Variants in THSD4 observed in about 807,000 individuals in gnomAD.
THSD4 encodes the protein thrombospondin type 1 domain containing 4.
A neutral mutation model predicts 119.0 loss-of-function variants in THSD4; 69 were observed. That is an observed-to-expected ratio of 0.58 (90% CI 0.48 to 0.71). The LOEUF (loss-of-function observed/expected upper bound fraction) is 0.71, where lower values mean the gene tolerates loss of function less well. Ranked by LOEUF, THSD4 falls within the 30% of genes least tolerant of loss-of-function variation. The pLI, the probability that THSD4 is intolerant of heterozygous loss-of-function variation, is 0.00. For synonymous variants in THSD4, 524 were observed against 540.4 expected (o/e 0.97, Z 0.42); for missense variants, 1,393 against 1,391.1 (o/e 1.00, Z -0.02).
intron 3 of THSD4, among the ~76,000 whole-genome samples, chr15:71,211,388 C>A (rs56283711): frequency 0.42 from 64,350 of 151,926 alleles, 14,485 homozygotes; most frequent in Middle Eastern, 0.6. Context: ...GGTTCTCTTC[C>A]TGGCTTGCAG....
intron 7 of THSD4, among the ~76,000 whole-genome samples, chr15:71,601,752 G>A (rs886181393): frequency 2.6e-5 from 4 of 152,170 alleles, no homozygotes; most frequent in Non-Finnish European, 5.9e-5. Flanking sequence ...TGGAAGTTTG[G>A]TTGCGAGATC....
chr15:71,103,308 T>C (rs955121818), intron 1 of THSD4, among the ~76,000 whole-genome samples: 9 of 152,222 alleles, frequency 5.9e-5, no homozygotes, highest in African/African-American at 1.9e-4. Context: ...ATCATGGGCC[T>C]GGACTGGGGT....
intron 7 of THSD4, among the ~76,000 whole-genome samples, chr15:71,645,983 G>A (rs1025386967): frequency 6.6e-6 from 1 of 152,098 alleles, no homozygotes; most frequent in Non-Finnish European, 1.5e-5. Context: ...TGCACTTGCT[G>A]GCATCTGCTA....
At chr15:71,251,671 C>T (rs2044261105) in intron 5 of THSD4, among the ~76,000 whole-genome samples, 1 of 152,158 alleles carries the variant, frequency 6.6e-6, no homozygotes, top group African/African-American at 2.4e-5. Flanking sequence ...CTGACGCAGG[C>T]AGCCTTCAAG....
At chr15:71,143,712 T>G (rs2040628932) in intron 2 of THSD4, among the ~76,000 whole-genome samples, 1 of 141,624 alleles carries the variant, frequency 7.1e-6, no homozygotes, top group South Asian at 2.1e-4. Context: ...TTTTTTTTTT[T>G]TTTTTTTCAA....
At chr15:71,528,753 CAGAT>C (rs2140806414) in intron 7 of THSD4, among the ~76,000 whole-genome samples, 1 of 152,310 alleles carries the variant, frequency 6.6e-6, no homozygotes, top group African/African-American at 2.4e-5. Flanking sequence ...ACAGATTCAT[CAGAT>C]TTCCTGACTG....
intron 7 of THSD4, among the ~76,000 whole-genome samples, chr15:71,491,509 C>T (rs2047919268): frequency 6.6e-6 from 1 of 152,198 alleles, no homozygotes; most frequent in Non-Finnish European, 1.5e-5. Flanking sequence ...AGAGAGTCTG[C>T]ATCAGCAGGA....
chr15:71,106,478 T>A (rs1383933933), intron 1 of THSD4, among the ~76,000 whole-genome samples: 1 of 152,002 alleles, frequency 6.6e-6, no homozygotes, highest in Non-Finnish European at 1.5e-5. Flanking sequence ...TGGCCCCTGG[T>A]GGAGAAAAAT....
chr15:71,278,905 G>T (rs2044620905), intron 6 of THSD4, among the ~76,000 whole-genome samples: 1 of 152,068 alleles, frequency 6.6e-6, no homozygotes, highest in Non-Finnish European at 1.5e-5. Flanking sequence ...ATAATTTATT[G>T]GGCTGAGTTG....
intron 1 of THSD4, among the ~76,000 whole-genome samples, chr15:71,124,342 CTTT>C (rs908427675): frequency 6.6e-6 from 1 of 152,214 alleles, no homozygotes; most frequent in African/African-American, 2.4e-5. Context: ...ATAAAATGTT[CTTT>C]TCTTGATTTT....
chr15:71,170,246 A>C (rs2043344047), intron 3 of THSD4, among the ~76,000 whole-genome samples: 1 of 152,166 alleles, frequency 6.6e-6, no homozygotes, highest in African/African-American at 2.4e-5. Context: ...CAGACAGAAG[A>C]CTGTGGAGCT....
chr15:71,735,082 A>G (rs1404609770), intron 10 of THSD4, among the ~76,000 whole-genome samples: 1 of 148,718 alleles, frequency 6.7e-6, no homozygotes, highest in Admixed American at 6.7e-5. Flanking sequence ...TGGGGGTTAC[A>G]CACACACACA....
chr15:71,445,328 C>T (rs1393068794), intron 7 of THSD4, among the ~76,000 whole-genome samples: 1 of 152,190 alleles, frequency 6.6e-6, no homozygotes, highest in Non-Finnish European at 1.5e-5. Flanking sequence ...AAACTAGGAA[C>T]AAACCTTGTC....
chr15:71,700,307 C>T (rs1470047252), intron 8 of THSD4, among the ~76,000 whole-genome samples: 2 of 151,954 alleles, frequency 1.3e-5, no homozygotes, highest in Non-Finnish European at 2.9e-5. Context: ...CCATATAGAT[C>T]AGGTAGTTTT....
intron 15 of THSD4, among the ~76,000 whole-genome samples, chr15:71,761,945 A>AT (rs1185479299): frequency 6.6e-6 from 1 of 152,154 alleles, no homozygotes; most frequent in East Asian, 1.9e-4. Flanking sequence ...TGAGGCCTCC[A>AT]TCCTGATCTC....
chr15:71,554,986 T>G (rs1462688255), intron 7 of THSD4, among the ~76,000 whole-genome samples: 1 of 152,174 alleles, frequency 6.6e-6, no homozygotes, highest in Non-Finnish European at 1.5e-5. Context: ...CATGTCCTCC[T>G]CGCTTCTCTC....
chr15:71,213,426 G>A (rs527337971), intron 3 of THSD4, among the ~76,000 whole-genome samples: 10 of 152,290 alleles, frequency 6.6e-5, no homozygotes, highest in Non-Finnish European at 1.5e-4. Flanking sequence ...CTCTTCTGAG[G>A]TCTTTTCAAT....
intron 7 of THSD4, among the ~76,000 whole-genome samples, chr15:71,458,793 T>C (rs889437240): frequency 2.0e-5 from 3 of 152,210 alleles, no homozygotes; most frequent in African/African-American, 7.2e-5. Flanking sequence ...ATGGAAGACA[T>C]TTACGTTACT....
Position 71,553,335 on chromosome 15 carries a change from T to G in THSD4, c.1153-107195T>G, listed in dbSNP as rs1031030667. On this transcript the variant is annotated intron_variant, in intron 7 of 17. Transcript: ENST00000261862. ...CCTGTCTTCTACTAGACTTTTTTTT[T>G]TTTTTTTGAGATGGAGTTTTGCTCT... 1.1e-4 allele frequency among the ~76,000 whole-genome samples: 16 copies of G among 152,116 alleles called. 1 individual carries two copies. In the East Asian group the frequency reaches 2.1e-3, roughly 20 times the overall value.
Sources: gnomAD v4.1 joint callset for allele counts (sites outside exome capture counted in the v4.1 genomes callset) on GRCh38, gnomAD v4.1.1 for gene constraint, MANE v1.5 for transcripts, NCBI Gene and HGNC (gene_info 2026-07-23, HGNC 2026-07-21) for gene names.